Variants in FNIP1 observed in about 807,000 individuals in gnomAD.
The protein encoded by FNIP1 is folliculin interacting protein 1.
Under a neutral mutation model 124.5 loss-of-function variants are expected in FNIP1, and 40 were observed. The observed-to-expected ratio is 0.32, with a 90% CI of 0.25 to 0.42. The LOEUF is 0.42. FNIP1 is among the 10% of genes least tolerant of loss of function. FNIP1 has a pLI of 1.00. For missense variants in FNIP1, 1,176 were observed against 1,403.7 expected, an observed-to-expected ratio of 0.84 and a Z score of 2.59; for synonymous variants, 472 against 470.6, an observed-to-expected ratio of 1.00 and a Z score of -0.04.
In FNIP1 at chr5:131,746,041, A is replaced by T. The variant is rs564716909; in HGVS notation, c.93-1351T>A. Among the ~76,000 whole-genome samples the T allele has an allele frequency of 1.6e-3, 239 of 152,328 alleles. 4 individuals carry two copies. The highest frequency in any genetic ancestry group is 4.1e-4 in the Non-Finnish European group (28 of 68,028). On this transcript the variant is annotated intron_variant, in intron 1 of 17. Transcript: ENST00000510461. ...CATGGATCTTTACTTTACAGTATGTATTTAAACAGTACATCACATTTGTTT... is the reference window on the plus strand; with the variant it reads ...CATGGATCTTTACTTTACAGTATGTTTTTAAACAGTACATCACATTTGTTT...
intron 11 of FNIP1, among the ~76,000 whole-genome samples, chr5:131,681,774 A>AC (rs980649177): frequency 1.3e-5 from 2 of 151,608 alleles, no homozygotes; most frequent in Non-Finnish European, 2.9e-5. Context: ...AAAAAAAAAA[A>AC]AAAACGGATT....
intron 1 of FNIP1, among the ~76,000 whole-genome samples, chr5:131,777,778 T>C (rs1037751568): frequency 6.6e-6 from 1 of 152,194 alleles, no homozygotes; most frequent in African/African-American, 2.4e-5. Context: ...CAAAGTGTGG[T>C]CCCTACACTA....
chr5:131,657,355 CT>C (rs1049888699), intron 15 of FNIP1, among the ~76,000 whole-genome samples: 46 of 152,222 alleles, frequency 3.0e-4, no homozygotes, highest in African/African-American at 1.1e-3. Flanking sequence ...AAGTGACTGC[CT>C]TTTAAAGTTC....
At position 131,672,789 on chromosome 5, in the gene FNIP1, T is replaced by C; in HGVS notation, c.1655A>G (p.His552Arg). 1 of 1,613,772 alleles carries C rather than the reference T, an allele frequency of 6.2e-7. No individual in the cohort carries two copies. The highest frequency in any genetic ancestry group is 8.5e-7 in the Non-Finnish European group (1 of 1,179,920). ...FIRCSELQET[H>R]LLENGEDEAI... The stretch of plus-strand genomic sequence containing the variant: ...TTCATCTTCTCCATTTTCTAAAAGA[T>C]GCGTTTCTTGAAGTTCAGAGCATCT... Residue 552 changes from histidine to arginine, a missense_variant, in exon 14 of 18, where the codon CAT becomes CGT. His to Arg is a conservative substitution (Grantham distance 29, BLOSUM62 0). Coordinates refer to ENST00000510461, the MANE Select transcript of FNIP1 (RefSeq NM_133372.3).
chr5:131,658,949 A>C (rs773931744), intron 15 of FNIP1, among the ~76,000 whole-genome samples: 191 of 148,256 alleles, frequency 1.3e-3, no homozygotes, highest in Non-Finnish European at 2.5e-3. Context: ...ACCACCAAAA[A>C]CAAAAAAACA....
chr5:131,644,530 T>C lies in FNIP1; in HGVS notation c.*155A>G, dbSNP rs1766811674. The C allele has an allele frequency of 1.1e-5, 6 of 526,734 alleles. No homozygotes were observed. The East Asian group carries it at 2.0e-4, about 17-fold the overall frequency. 32.6% of individuals were successfully genotyped at this position (526,734 alleles called of 1,614,324 possible). On this transcript the variant is annotated 3_prime_UTR_variant, in exon 18 of 18. Coordinates refer to ENST00000510461, the MANE Select transcript of FNIP1 (RefSeq NM_133372.3). ...GTCAAAAAGAAAAAGCCATCTGACA[T>C]ACACAGAATATACAATGCTATGCAG... is the stretch of plus-strand genomic sequence containing the variant.
At chr5:131,759,586 T>C (rs1771158441) in intron 1 of FNIP1, among the ~76,000 whole-genome samples, 1 of 151,894 alleles carries the variant, frequency 6.6e-6, no homozygotes, top group Non-Finnish European at 1.5e-5. Context: ...TATTAAAAAG[T>C]CAAAAAACAA....
chr5:131,645,055 C>T (rs1041974272), intron 17 of FNIP1, among the ~76,000 whole-genome samples: 4 of 152,074 alleles, frequency 2.6e-5, no homozygotes, highest in Non-Finnish European at 4.4e-5. Flanking sequence ...TGAGGTGACT[C>T]GTGCCTGTAA....
chr5:131,748,229 T>C (rs931105973), intron 1 of FNIP1, among the ~76,000 whole-genome samples: 4 of 152,152 alleles, frequency 2.6e-5, no homozygotes, highest in African/African-American at 9.7e-5. Flanking sequence ...AAGATTATAA[T>C]GCAGTTCAAA....
Position 131,679,070 on chromosome 5 carries a change from C to A in FNIP1, c.1308G>T (p.Met436Ile). Residue 436 changes from methionine (M) to isoleucine (I), a missense_variant, in exon 12 of 18, where the codon ATG (methionine) becomes ATT (isoleucine). Physicochemically the swap from Met to Ile is conservative, Grantham distance 10. This residue lies in a region of FNIP1 where 1,109 missense variants were observed against 1,288.5 expected (regional missense o/e 0.86). Coordinates refer to ENST00000510461, the MANE Select transcript of FNIP1 (RefSeq NM_133372.3). ...TTTCCATTAGAAAGGTGAACTCCTT[C>A]ATGAAACGATAGCAAAGGTGGTTCT... ...PEKNHLCYRF[M>I]KEFTFLMENA... The A allele has an allele frequency of 6.2e-7, 1 of 1,612,632 alleles. No homozygotes were observed. Among genetic ancestry groups the A allele is most frequent in the Non-Finnish European group, 8.5e-7 (1 of 1,179,380 alleles).
Position 131,704,286 on chromosome 5 carries a change from T to G in FNIP1, c.915-20A>C, listed in dbSNP as rs1191728329. 2 of 1,518,420 alleles carry G rather than the reference T, an allele frequency of 1.3e-6. No homozygotes were observed. Among genetic ancestry groups the G allele is most frequent in the African/African-American group, 2.8e-5 (2 of 70,430 alleles). 94.1% of individuals were successfully genotyped at this position (1,518,420 alleles called of 1,614,324 possible). A position where few individuals can be genotyped will look rare whatever the true frequency, so the allele number is the denominator to read the frequency against. On this transcript the variant is annotated intron_variant, in intron 9 of 17. Coordinates refer to ENST00000510461, the MANE Select transcript of FNIP1 (RefSeq NM_133372.3). ...ATAGACCTTAAAAATAAATGATTTT[T>G]TATTAATTTACAAAAGTAAAAATAA...
intron 1 of FNIP1, 185 bp downstream of exon 1, chr5:131,796,645 A>G: frequency 1.7e-6 from 1 of 579,420 alleles, no homozygotes; most frequent in East Asian, 3.2e-5. Flanking sequence ...GGGGTAAAAT[A>G]AAAGGTAGGA....
At chr5:131,673,130 C>T (rs1282617441) in intron 13 of FNIP1, among the ~76,000 whole-genome samples, 1 of 151,856 alleles carries the variant, frequency 6.6e-6, no homozygotes, top group African/African-American at 2.4e-5. Flanking sequence ...TCACTGCAGC[C>T]TCAGCCTCCT....
chr5:131,796,738 G>T, intron 1 of FNIP1, 92 bp downstream of exon 1: 2 of 1,205,762 alleles, frequency 1.7e-6, no homozygotes, highest in South Asian at 3.0e-5. Context: ...CGGCGCTTCC[G>T]CTCGGGTCGG....
At chr5:131,739,511 T>C (rs1189400003) in intron 2 of FNIP1, among the ~76,000 whole-genome samples, 1 of 152,190 alleles carries the variant, frequency 6.6e-6, no homozygotes, top group Admixed American at 6.5e-5. Flanking sequence ...TGCCTATTTA[T>C]GTGTCAATAA....
At chr5:131,786,356 C>T (rs1772219335) in intron 1 of FNIP1, among the ~76,000 whole-genome samples, 1 of 152,166 alleles carries the variant, frequency 6.6e-6, no homozygotes, top group South Asian at 2.1e-4. Flanking sequence ...GCAATTAAAA[C>T]ACAAGCAAGT....
At chr5:131,700,020 C>T (rs1476098925) in intron 10 of FNIP1, among the ~76,000 whole-genome samples, 1 of 145,178 alleles carries the variant, frequency 6.9e-6, no homozygotes, top group African/African-American at 2.5e-5. Context: ...GAGTCCTGCT[C>T]TGTTGCCAGC....
intron 16 of FNIP1, among the ~76,000 whole-genome samples, chr5:131,649,230 C>T (rs1215345058): frequency 6.6e-6 from 1 of 152,078 alleles, no homozygotes; most frequent in Non-Finnish European, 1.5e-5. Flanking sequence ...TGAGGAACAG[C>T]CAAACTTTTC....
chr5:131,776,890 G>A (rs865841483), intron 1 of FNIP1, among the ~76,000 whole-genome samples: 9 of 152,194 alleles, frequency 5.9e-5, no homozygotes, highest in South Asian at 2.1e-4. Context: ...GTACTGAGGT[G>A]TATGTTTACG....
Sources: allele counts gnomAD v4.1 joint callset (sites outside exome capture counted in the v4.1 genomes callset), GRCh38; gene constraint gnomAD v4.1.1; regional missense constraint gnomAD v4.1.1; transcripts MANE v1.5; gene names NCBI Gene and HGNC (gene_info 2026-07-23, HGNC 2026-07-21).